RUFY1: variants seen among roughly 807,000 people sequenced by gnomAD.
RUFY1 encodes the protein RUN and FYVE domain containing 1, also known as RUN and FYVE domain-containing protein 1.
RUFY1 carries 54 observed loss-of-function variants against 94.6 expected under a neutral mutation model. The observed-to-expected ratio is 0.57, with a 90% CI of 0.46 to 0.72. The LOEUF (loss-of-function observed/expected upper bound fraction) is 0.72. Among genes scored for constraint, RUFY1 ranks in the 30% least tolerant of loss-of-function variants. The pLI, the probability that RUFY1 is intolerant of heterozygous loss-of-function variation, is 0.00. For missense variants in RUFY1, 883 were observed against 883.9 expected (o/e 1.00, Z 0.01); for synonymous variants, 396 against 347.3 (o/e 1.14, Z -1.56).
At chr5:179,564,210 C>G (rs916682850) in intron 3 of RUFY1, among the ~76,000 whole-genome samples, 23 of 151,466 alleles carry the variant, frequency 1.5e-4, no homozygotes, top group Admixed American at 6.6e-4. Context: ...ACCTCCACCC[C>G]CTGGGTTCCA....
intron 1 of RUFY1, among the ~76,000 whole-genome samples, chr5:179,556,947 G>A (rs1282525004): frequency 6.6e-6 from 1 of 152,166 alleles, no homozygotes; most frequent in African/African-American, 2.4e-5. Flanking sequence ...TTTTAGTAAT[G>A]TTGGTCATCT....
At chr5:179,599,033 T>C (rs1007026623) in intron 14 of RUFY1, among the ~76,000 whole-genome samples, 1 of 152,146 alleles carries the variant, frequency 6.6e-6, no homozygotes, top group Non-Finnish European at 1.5e-5. Flanking sequence ...TAGAGGCAAG[T>C]GCCATGAAGA....
At chr5:179,600,350 C>A (rs958870167) in intron 14 of RUFY1, among the ~76,000 whole-genome samples, 3 of 152,166 alleles carry the variant, frequency 2.0e-5, no homozygotes, top group Admixed American at 6.5e-5. Flanking sequence ...GCTCAAGGTG[C>A]ACTGGCCCCA....
intron 1 of RUFY1, among the ~76,000 whole-genome samples, chr5:179,551,138 T>C (rs1229922902): frequency 6.6e-6 from 1 of 152,160 alleles, no homozygotes; most frequent in Non-Finnish European, 1.5e-5. Context: ...GTGAAGGACG[T>C]GTGCGCGTCC....
intron 13 of RUFY1, chr5:179,598,474 A>G (rs1765919513): frequency 6.8e-6 from 4 of 589,146 alleles, no homozygotes; most frequent in Non-Finnish European, 1.2e-5. Flanking sequence ...CCCCTGCGTA[A>G]GTGTCAAGTG....
At chr5:179,554,593 G>A (rs576092944) in intron 1 of RUFY1, among the ~76,000 whole-genome samples, 1 of 151,772 alleles carries the variant, frequency 6.6e-6, no homozygotes, top group Non-Finnish European at 1.5e-5. Context: ...TGATTGTATT[G>A]TCCATAGGTG....
At chr5:179,602,126 C>T in intron 15 of RUFY1, 140 bp downstream of exon 15, 1 of 668,874 alleles carries the variant, frequency 1.5e-6, no homozygotes, top group East Asian at 2.7e-5. Flanking sequence ...CGGATGAGCT[C>T]TCAGGAAGCC....
chr5:179,575,141 C>T (rs1394511733), intron 5 of RUFY1, among the ~76,000 whole-genome samples: 7 of 149,564 alleles, frequency 4.7e-5, no homozygotes, highest in African/African-American at 1.7e-4. Context: ...TTTATGTTCA[C>T]GTAGGTTTTG....
intron 1 of RUFY1, among the ~76,000 whole-genome samples, chr5:179,551,329 C>T (rs1412443009): frequency 6.6e-6 from 1 of 152,216 alleles, no homozygotes; most frequent in Non-Finnish European, 1.5e-5. Flanking sequence ...TAAAGTCACC[C>T]GATGATCTCT....
intron 10 of RUFY1, among the ~76,000 whole-genome samples, 181 bp from the exon 11 acceptor site, chr5:179,593,297 C>T (rs920175919): frequency 6.6e-6 from 1 of 152,002 alleles, no homozygotes; most frequent in South Asian, 2.1e-4. Flanking sequence ...AGGCTGCTCT[C>T]GAACTCCTGG....
intron 11 of RUFY1, among the ~76,000 whole-genome samples, 160 bp downstream of exon 11, chr5:179,593,805 C>G (rs770069968): frequency 2.0e-4 from 31 of 152,112 alleles, no homozygotes; most frequent in Non-Finnish European, 3.8e-4. Flanking sequence ...ATGGCAGTCC[C>G]TGAGAAATGG....
rs958416897 is a variant in RUFY1 at position 179,570,781 on chromosome 5, T to TA, written c.828+1369dup. On this transcript the variant is annotated intron_variant, in intron 5 of 17. Transcript: ENST00000319449. ...GTTTTTTTATAACCTCTCCTCCCTT[T>TA]AAAAAAAAAAAAAGTTCGATTGTCT... is the stretch of plus-strand genomic sequence containing the variant. Among the ~76,000 whole-genome samples the TA allele has an allele frequency of 6.9e-4, 100 of 145,064 alleles. 1 individual carries two copies. Among genetic ancestry groups the TA allele is most frequent in the Middle Eastern group, 3.6e-3 (1 of 278 alleles).
chr5:179,573,259 A>G (rs1229078701), intron 5 of RUFY1, among the ~76,000 whole-genome samples: 1 of 152,194 alleles, frequency 6.6e-6, no homozygotes, highest in Non-Finnish European at 1.5e-5. Context: ...GAACTTGAAC[A>G]TCGTTTTGTC....
intron 13 of RUFY1, among the ~76,000 whole-genome samples, chr5:179,597,994 G>A (rs1765853387): frequency 6.6e-6 from 1 of 152,140 alleles, no homozygotes; most frequent in African/African-American, 2.4e-5. Context: ...TTCAAGACCA[G>A]CCTGGCCAAC....
In RUFY1 at chr5:179,569,285, C is replaced by T. The variant is rs748856261; in HGVS notation, c.705-17C>T. On this transcript the variant is annotated splice_polypyrimidine_tract_variant and intron_variant, in intron 4 of 17. Coordinates refer to ENST00000319449, the MANE Select transcript of RUFY1 (RefSeq NM_025158.5). Reference sequence around the variant, plus strand: ...AGCTGTTTCTGAGCATCGCCCTGTCCTGTCCATCTCTTTCAGCGAGTTCTA... The same window carrying T: ...AGCTGTTTCTGAGCATCGCCCTGTCTTGTCCATCTCTTTCAGCGAGTTCTA... 6.2e-7 allele frequency: 1 copy of T among 1,613,752 alleles called. No individual in the cohort carries two copies. The highest frequency in any genetic ancestry group is 1.1e-5 in the South Asian group (1 of 91,066).
chr5:179,598,539 G>A (rs527988419), intron 13 of RUFY1, among the ~76,000 whole-genome samples, 153 bp from the exon 14 acceptor site: 2 of 152,268 alleles, frequency 1.3e-5, no homozygotes, highest in East Asian at 1.9e-4. Flanking sequence ...GGAAGGGCAG[G>A]TGACCCTGGA....
At chr5:179,577,691 CTG>C (rs1234990411) in intron 6 of RUFY1, among the ~76,000 whole-genome samples, 1 of 150,578 alleles carries the variant, frequency 6.6e-6, no homozygotes, top group South Asian at 2.1e-4. Context: ...CCGGGTTGGA[CTG>C]TGTGATTGGG....
chr5:179,609,200 C>CT lies in RUFY1; in HGVS notation c.1984-175dup, dbSNP rs1491034817. 1.3e-4 allele frequency among the ~76,000 whole-genome samples: 8 copies of CT among 63,100 alleles called. No individual in the cohort carries two copies. In the East Asian group the frequency reaches 3.8e-3, roughly 30 times the overall value. 41.4% of individuals were successfully genotyped at this position (63,100 alleles called of 152,430 possible). The stretch of plus-strand genomic sequence containing the variant: ...GCAGCCCGGGCGACTGAGCAAGACT[C>CT]TATCTCAAAAAAAAAAAAAAAAAAA... On this transcript the variant is annotated intron_variant, in intron 17 of 17. Transcript: ENST00000319449.
intron 10 of RUFY1, 103 bp downstream of exon 10, chr5:179,591,844 A>G (rs970895965): frequency 1.4e-6 from 1 of 691,330 alleles, no homozygotes; most frequent in Middle Eastern, 2.6e-4. Context: ...GGTCATAGAA[A>G]GTCAGAAGCT....
Sources: allele counts gnomAD v4.1 joint callset (sites outside exome capture counted in the v4.1 genomes callset), GRCh38; gene constraint gnomAD v4.1.1; transcripts MANE v1.5; gene names NCBI Gene and HGNC (gene_info 2026-07-23, HGNC 2026-07-21).